The following MAP3K21 variants were observed in gnomAD, a reference collection of about 807,000 sequenced individuals.
MAP3K21 encodes mitogen-activated protein kinase kinase kinase 21.
MAP3K21 carries 63 observed loss-of-function variants against 86.1 expected under a neutral mutation model. That is an observed-to-expected ratio of 0.73 (90% CI 0.60 to 0.90). MAP3K21 has a LOEUF of 0.90. Among genes scored for constraint, MAP3K21 ranks in the 40% least tolerant of loss-of-function variants. MAP3K21 has a pLI of 0.00. For missense variants in MAP3K21, 1,220 were observed against 1,367.7 expected (o/e 0.89, Z 1.70); for synonymous variants, 558 against 564.8 (o/e 0.99, Z 0.17).
At chr1:233,362,824 T>C (rs578130679) in intron 5 of MAP3K21, among the ~76,000 whole-genome samples, 1 of 152,054 alleles carries the variant, frequency 6.6e-6, no homozygotes, top group South Asian at 2.1e-4. Flanking sequence ...ACCCAGTAAA[T>C]CTAGGGAAGC....
In MAP3K21 at chr1:233,329,742, C is replaced by T. The variant is rs573770579; in HGVS notation, c.805+909C>T. ...TCCAGACAAGAGGCACTGGTGTGCA[C>T]CGTAATGCACTTTTGGGTTAATAAC... On this transcript the variant is annotated intron_variant, in intron 1 of 9. Transcript: ENST00000366624. Among the ~76,000 whole-genome samples, 154 of 152,230 alleles carry T rather than the reference C, an allele frequency of 1.0e-3. 1 individual carries two copies. The highest frequency in any genetic ancestry group is 3.4e-3 in the African/African-American group (143 of 41,534).
intron 1 of MAP3K21, among the ~76,000 whole-genome samples, chr1:233,332,947 C>T (rs1342916092): frequency 6.6e-6 from 1 of 151,854 alleles, no homozygotes; most frequent in Non-Finnish European, 1.5e-5. Flanking sequence ...TTTATTATCT[C>T]AATTTTTTTA....
At chr1:233,354,765 G>A in intron 3 of MAP3K21, 71 bp from the exon 4 acceptor site, 2 of 819,968 alleles carry the variant, frequency 2.4e-6, no homozygotes, top group Non-Finnish European at 3.6e-6. Flanking sequence ...ATACACTTCA[G>A]TGTAAAACAT....
chr1:233,350,443 C>G (rs1663230359), intron 2 of MAP3K21, among the ~76,000 whole-genome samples: 1 of 152,104 alleles, frequency 6.6e-6, no homozygotes, highest in Non-Finnish European at 1.5e-5. Context: ...AAAAGCAGGG[C>G]AGGTCATCTC....
chr1:233,382,761 A>G lies in MAP3K21; in HGVS notation c.*50A>G, dbSNP rs1244473322. 1 of 1,490,488 alleles carries G rather than the reference A, an allele frequency of 6.7e-7. No homozygotes were observed. The highest frequency in any genetic ancestry group is 2.3e-5 in the East Asian group (1 of 43,998). The allele number at this position is 1,490,488 out of a possible 1,614,324, so 92.3% of individuals were successfully genotyped here. On this transcript the variant is annotated 3_prime_UTR_variant, in exon 10 of 10. Coordinates refer to ENST00000366624, the MANE Select transcript of MAP3K21 (RefSeq NM_032435.3). Reference sequence around the variant, plus strand: ...GCATTTTTTTAAGGTGAACAAATGAACACAATGTATCTACCTTTGAACTGT... The same window carrying G: ...GCATTTTTTTAAGGTGAACAAATGAGCACAATGTATCTACCTTTGAACTGT...
chr1:233,382,803 T>G lies in MAP3K21; in HGVS notation c.*92T>G. The G allele has an allele frequency of 8.5e-7, 1 of 1,177,584 alleles. No homozygotes were observed. The highest frequency in any genetic ancestry group is 1.2e-6 in the Non-Finnish European group (1 of 838,966). The allele number at this position is 1,177,584 out of a possible 1,614,324, so 72.9% of individuals were successfully genotyped here. ...TTGAACTGTTTCATGCTGCTGTGTT[T>G]TCAAAAGCTGTGGCCATGTTCCTAA... On this transcript the variant is annotated 3_prime_UTR_variant, in exon 10 of 10. Coordinates refer to ENST00000366624, the MANE Select transcript of MAP3K21 (RefSeq NM_032435.3).
chr1:233,373,290 G>C (rs971651759), intron 6 of MAP3K21: 1 of 152,272 alleles, frequency 6.6e-6, no homozygotes, highest in African/African-American at 2.4e-5. Context: ...GAGCAGATGG[G>C]ACACCGTGCC....
rs1484320477 is a variant in MAP3K21, at chr1:233,328,170, G to C, written c.142G>C (p.Asp48His). The change falls in exon 1 of 10, where the codon GAC becomes CAC. Residue 48 changes from aspartate to histidine, a missense_variant. By Grantham distance (81) the Asp-to-His change is moderately conservative. Coordinates refer to ENST00000366624, the MANE Select transcript of MAP3K21 (RefSeq NM_032435.3). This position sits in a 1 kb window ranked among gnomAD's most constrained non-coding sequence, Gnocchi z 8.7. ...AGAGLWAALY[D>H]YEARGEDELS... The stretch of plus-strand genomic sequence containing the variant: ...CGCGGGGCTGTGGGCCGCGCTCTAT[G>C]ACTACGAGGCTCGCGGCGAGGACGA... 2.7e-6 allele frequency: 4 copies of C among 1,471,528 alleles called. No homozygotes were observed. The highest frequency in any genetic ancestry group is 3.6e-6 in the Non-Finnish European group (4 of 1,118,682). The allele number at this position is 1,471,528 out of a possible 1,614,324, so 91.2% of individuals were successfully genotyped here. A position where few individuals can be genotyped will look rare whatever the true frequency, so the allele number is the denominator to read the frequency against.
At position 233,328,943 on chromosome 1, in the gene MAP3K21, C is replaced by T. The variant is rs1040947014; in HGVS notation, c.805+110C>T. On this transcript the variant is annotated intron_variant, in intron 1 of 9. Coordinates refer to ENST00000366624, the MANE Select transcript of MAP3K21 (RefSeq NM_032435.3). The surrounding 1 kb of genome is among the most constrained non-coding windows in gnomAD (Gnocchi z 8.7). ...GAGGTGGGAGTCAGCCTTAGGGCGC[C>T]AGCAGCAACTCATGCCCAGGCCTTC... 14 of 1,113,172 alleles carry T rather than the reference C, an allele frequency of 1.3e-5. No homozygotes were observed. Among genetic ancestry groups the T allele is most frequent in the Non-Finnish European group, 1.6e-5 (14 of 874,068 alleles). 69.0% of individuals were successfully genotyped at this position (1,113,172 alleles called of 1,614,324 possible). A position where few individuals can be genotyped will look rare whatever the true frequency, so the allele number is the denominator to read the frequency against.
In MAP3K21 at chr1:233,379,552, C is replaced by T. The variant is rs1663872729; in HGVS notation, c.2546C>T (p.Pro849Leu). 1 of 1,614,192 alleles carries T rather than the reference C, an allele frequency of 6.2e-7. No homozygotes were observed. The highest frequency in any genetic ancestry group is 2.2e-5 in the East Asian group (1 of 44,870). The change falls in exon 9 of 10, where the codon CCA becomes CTA. Residue 849 changes from proline (P) to leucine (L), a missense_variant. Pro to Leu is a moderately conservative substitution (Grantham distance 98, BLOSUM62 -3). Coordinates refer to ENST00000366624, the MANE Select transcript of MAP3K21 (RefSeq NM_032435.3). ...ACTGCCCCAGGAAGTGGTCGTGAGC[C>T]AGCCCTCATGCCAAGACTTGACACT... ...CPTAPGSGRE[P>L]ALMPRLDTDC...
chr1:233,328,876 C>T lies in MAP3K21; in HGVS notation c.805+43C>T. ...GAGGTGGGGGAAGACTACCTCCGTG[C>T]CAGCCCAGGCGGGCTCCACAGGACA... On this transcript the variant is annotated intron_variant, in intron 1 of 9. Transcript: ENST00000366624. The surrounding 1 kb of genome is among the most constrained non-coding windows in gnomAD (Gnocchi z 8.7). The T allele has an allele frequency of 2.8e-6, 4 of 1,441,250 alleles. No homozygotes were observed. Among genetic ancestry groups the T allele is most frequent in the Admixed American group, 2.5e-5 (1 of 40,750 alleles). 89.3% of individuals were successfully genotyped at this position (1,441,250 alleles called of 1,614,324 possible).
chr1:233,356,020 T>C (rs1272529732), intron 4 of MAP3K21, among the ~76,000 whole-genome samples: 4 of 152,160 alleles, frequency 2.6e-5, no homozygotes, highest in African/African-American at 7.2e-5. Context: ...CTGAATTTCT[T>C]CCAGTCCCCA....
intron 4 of MAP3K21, among the ~76,000 whole-genome samples, chr1:233,358,868 G>GACCCA (rs1408002621): frequency 6.6e-6 from 1 of 152,076 alleles, no homozygotes; most frequent in African/African-American, 2.4e-5. Flanking sequence ...GCAGTGCAGT[G>GACCCA]GTGTGGTCTC....
intron 8 of MAP3K21, among the ~76,000 whole-genome samples, chr1:233,378,324 G>T (rs1195504573): frequency 6.6e-6 from 1 of 152,156 alleles, no homozygotes; most frequent in Non-Finnish European, 1.5e-5. Flanking sequence ...CTATTTTAAT[G>T]GTCCCCAAAC....
intron 5 of MAP3K21, among the ~76,000 whole-genome samples, chr1:233,364,805 A>G (rs1663542092): frequency 1.3e-5 from 2 of 152,196 alleles, no homozygotes; most frequent in African/African-American, 4.8e-5. Flanking sequence ...TAACCAAGAA[A>G]TCTACTGCTA....
chr1:233,374,177 GCATCTA>G (rs1427342909), intron 6 of MAP3K21: 2 of 152,030 alleles, frequency 1.3e-5, no homozygotes, highest in Non-Finnish European at 2.9e-5. Flanking sequence ...ATTTAGGCAT[GCATCTA>G]CATTTTTTTT....
intron 3 of MAP3K21, 113 bp downstream of exon 3, chr1:233,354,068 A>T (rs1384925797): frequency 8.4e-7 from 1 of 1,196,606 alleles, no homozygotes; most frequent in African/African-American, 1.6e-5. Flanking sequence ...AAGTACTTTT[A>T]AGTAACCCTA....
intron 1 of MAP3K21, among the ~76,000 whole-genome samples, chr1:233,341,462 AT>A (rs1374669263): frequency 6.6e-6 from 1 of 152,152 alleles, no homozygotes; most frequent in Non-Finnish European, 1.5e-5. Context: ...AAGGGTTGAC[AT>A]TTGGAGTGTG....
chr1:233,370,228 T>G (rs1326143319), intron 5 of MAP3K21, among the ~76,000 whole-genome samples: 1 of 152,230 alleles, frequency 6.6e-6, no homozygotes, highest in Non-Finnish European at 1.5e-5. Flanking sequence ...TATACTTCTT[T>G]GCACTGAATT....
Sources: allele counts gnomAD v4.1 joint callset (sites outside exome capture counted in the v4.1 genomes callset), GRCh38; gene constraint gnomAD v4.1.1; non-coding constraint Gnocchi (gnomAD v3.1); transcripts MANE v1.5; gene names NCBI Gene and HGNC (gene_info 2026-07-23, HGNC 2026-07-21).